Variants in BTBD9 observed in about 807,000 individuals in gnomAD.
BTBD9 encodes BTB/POZ domain-containing protein 9.
In BTBD9, 49 loss-of-function variants were observed where a neutral mutation model predicts 64.3. The observed-to-expected ratio is 0.76, with a 90% CI of 0.61 to 0.97. The LOEUF (loss-of-function observed/expected upper bound fraction) is 0.97, where lower values mean the gene tolerates loss of function less well. Among genes scored for constraint, BTBD9 ranks in the 50% least tolerant of loss-of-function variants. The probability of loss-of-function intolerance (pLI) is 0.00; values close to 1 mark genes in which losing one functional copy is unlikely to be tolerated. For synonymous variants in BTBD9, 260 were observed against 274.7 expected (o/e 0.95, Z 0.53); for missense variants, 598 against 762.1 (o/e 0.78, Z 2.53).
intron 6 of BTBD9, among the ~76,000 whole-genome samples, chr6:38,440,126 T>C (rs1185795031): frequency 2.0e-5 from 3 of 152,142 alleles, no homozygotes; most frequent in African/African-American, 4.8e-5. Context: ...GCTGGATATA[T>C]AGATTTGGGA....
chr6:38,299,982 T>C (rs1288292142), intron 7 of BTBD9, among the ~76,000 whole-genome samples: 1 of 152,278 alleles, frequency 6.6e-6, no homozygotes, highest in African/African-American at 2.4e-5. Context: ...AGGGTTTTTA[T>C]GATTTTAGGT....
intron 6 of BTBD9, among the ~76,000 whole-genome samples, chr6:38,474,784 T>A (rs1190172784): frequency 1.3e-5 from 2 of 152,178 alleles, no homozygotes; most frequent in Non-Finnish European, 2.9e-5. Context: ...AGGGCCAAAT[T>A]TTTAGTCCAC....
intron 6 of BTBD9, among the ~76,000 whole-genome samples, chr6:38,553,320 G>A (rs996055066): frequency 6.6e-6 from 1 of 152,114 alleles, no homozygotes; most frequent in Non-Finnish European, 1.5e-5. Context: ...TCAAATTAAT[G>A]CCAAGATTGT....
chr6:38,540,232 G>C lies in BTBD9; in HGVS notation c.1154+37368C>G, dbSNP rs1016558891. 6.6e-5 allele frequency among the ~76,000 whole-genome samples: 10 copies of C among 152,262 alleles called. No individual in the cohort carries two copies. In the South Asian group the frequency reaches 1.2e-3, roughly 19 times the overall value. On this transcript the variant is annotated intron_variant, in intron 6 of 10. Coordinates refer to ENST00000481247, the MANE Select transcript of BTBD9 (RefSeq NM_001099272.2). ...AGTATCAAACAACTTTTTGGCCTGG[G>C]TCAAGTTCCATCTTTTGATTTTGTT... is the stretch of plus-strand genomic sequence containing the variant.
At chr6:38,513,317 G>A (rs1219064152) in intron 6 of BTBD9, among the ~76,000 whole-genome samples, 1 of 152,062 alleles carries the variant, frequency 6.6e-6, no homozygotes, top group African/African-American at 2.4e-5. Context: ...GCATGGTGGT[G>A]CATGCCTATA....
intron 6 of BTBD9, among the ~76,000 whole-genome samples, chr6:38,374,283 G>GTATATATATATATATATATATATATATA (rs57568036): frequency 8.8e-5 from 4 of 45,472 alleles, no homozygotes; most frequent in African/African-American, 4.8e-4. Flanking sequence ...AAAAAAAAAA[G>GTATATATATATATATATATATATATATA]TATATATATA....
In BTBD9 at chr6:38,335,619, G is replaced by A. The variant is rs552725006; in HGVS notation, c.1264+9365C>T. Among the ~76,000 whole-genome samples, 6 of 151,880 alleles carry A rather than the reference G, an allele frequency of 4.0e-5. No individual in the cohort carries two copies. The South Asian group carries it at 8.3e-4, about 21-fold the overall frequency. On this transcript the variant is annotated intron_variant, in intron 7 of 10. Transcript: ENST00000481247. ...CTTGCTCTGTTGCCAAGGCTGGAGTGCAGCAGCATGATCTCGACTCACTGC... is the reference window on the plus strand; with the variant it reads ...CTTGCTCTGTTGCCAAGGCTGGAGTACAGCAGCATGATCTCGACTCACTGC...
At chr6:38,386,661 G>A (rs533437619) in intron 6 of BTBD9, among the ~76,000 whole-genome samples, 1 of 147,218 alleles carries the variant, frequency 6.8e-6, no homozygotes, top group East Asian at 2.0e-4. Context: ...TTGGAGTGGG[G>A]GGCCAGGGTC....
chr6:38,541,438 A>G (rs1419486645), intron 6 of BTBD9, among the ~76,000 whole-genome samples: 1 of 152,188 alleles, frequency 6.6e-6, no homozygotes, highest in Non-Finnish European at 1.5e-5. Flanking sequence ...ATAGAGGTCA[A>G]TTATAAAATT....
At chr6:38,333,573 T>C (rs1763761418) in intron 7 of BTBD9, among the ~76,000 whole-genome samples, 1 of 152,086 alleles carries the variant, frequency 6.6e-6, no homozygotes, top group African/African-American at 2.4e-5. Context: ...CAAGATCTGG[T>C]TGTCTGAAAG....
intron 9 of BTBD9, among the ~76,000 whole-genome samples, chr6:38,201,491 G>A (rs910994454): frequency 6.6e-6 from 1 of 152,158 alleles, no homozygotes; most frequent in African/African-American, 2.4e-5. Context: ...ACATCGTACT[G>A]AATGGGGAAA....
intron 9 of BTBD9, among the ~76,000 whole-genome samples, chr6:38,221,079 C>A (rs984637232): frequency 6.6e-6 from 1 of 152,178 alleles, no homozygotes; most frequent in Non-Finnish European, 1.5e-5. Context: ...GATTGACAGC[C>A]AATGAATAAA....
At chr6:38,294,052 A>G (rs1184579660) in intron 7 of BTBD9, among the ~76,000 whole-genome samples, 2 of 152,038 alleles carry the variant, frequency 1.3e-5, no homozygotes, top group African/African-American at 4.8e-5. Flanking sequence ...ATTTATGCCA[A>G]CAAACGTATG....
chr6:38,567,290 T>C (rs1210955977), intron 6 of BTBD9, among the ~76,000 whole-genome samples: 3 of 152,240 alleles, frequency 2.0e-5, no homozygotes, highest in East Asian at 3.8e-4. Context: ...AGCTTTATAA[T>C]GTGCACAGAA....
At chr6:38,383,334 C>G (rs1170454589) in intron 6 of BTBD9, among the ~76,000 whole-genome samples, 1 of 152,088 alleles carries the variant, frequency 6.6e-6, no homozygotes, top group Non-Finnish European at 1.5e-5. Context: ...AACAAACACT[C>G]AGCAAACCAG....
At chr6:38,563,146 A>T (rs1775326343) in intron 6 of BTBD9, among the ~76,000 whole-genome samples, 1 of 152,198 alleles carries the variant, frequency 6.6e-6, no homozygotes, top group Non-Finnish European at 1.5e-5. Context: ...GGAGCACTTC[A>T]GACTCAGTCC....
intron 6 of BTBD9, among the ~76,000 whole-genome samples, chr6:38,449,532 TA>T (rs35241869): frequency 0.018 from 2,729 of 149,804 alleles, 32 homozygotes; most frequent in Non-Finnish European, 0.027. Flanking sequence ...GGCAGTCTCT[TA>T]AAAAAAAAAT....
chr6:38,334,274 T>C (rs1763793365), intron 7 of BTBD9, among the ~76,000 whole-genome samples: 1 of 152,084 alleles, frequency 6.6e-6, no homozygotes, highest in Non-Finnish European at 1.5e-5. Context: ...AGAACTTATA[T>C]TTAACAGCTG....
At chr6:38,412,190 G>GA (rs1488006640) in intron 6 of BTBD9, among the ~76,000 whole-genome samples, 6 of 151,646 alleles carry the variant, frequency 4.0e-5, no homozygotes, top group African/African-American at 9.7e-5. Context: ...AAAAAACTGA[G>GA]AAAAAATATC....
Sources: allele counts gnomAD v4.1 joint callset (sites outside exome capture counted in the v4.1 genomes callset), GRCh38; gene constraint gnomAD v4.1.1; transcripts MANE v1.5; gene names NCBI Gene and HGNC (gene_info 2026-07-23, HGNC 2026-07-21).